CCDC187: variants seen among roughly 807,000 people sequenced by gnomAD.
CCDC187 encodes the protein coiled-coil domain containing 187.
Under a neutral mutation model 38.0 loss-of-function variants are expected in CCDC187, and 32 were observed. The observed-to-expected ratio is 0.84, with a 90% CI of 0.64 to 1.13. CCDC187 has a LOEUF of 1.13. CCDC187 is among the 50% of genes most tolerant of loss of function. CCDC187 has a pLI of 0.00. For synonymous variants in CCDC187, 333 were observed against 347.9 expected (o/e 0.96, Z 0.48); for missense variants, 707 against 786.8 (o/e 0.90, Z 1.21).
intron 23 of CCDC187, 31 bp from the exon 24 acceptor site, chr9:136,256,354 G>A: frequency 1.0e-6 from 1 of 962,822 alleles, no homozygotes; most frequent in Non-Finnish European, 1.2e-6. Flanking sequence ...TGACACTGTT[G>A]GGGTGTGGCC....
At chr9:136,265,411 C>T (rs1554761487) in intron 17 of CCDC187, among the ~76,000 whole-genome samples, 1 of 152,216 alleles carries the variant, frequency 6.6e-6, no homozygotes, top group Non-Finnish European at 1.5e-5. Context: ...ACCTGCACCA[C>T]CCTCCCAGCC....
intron 17 of CCDC187, 73 bp downstream of exon 17, chr9:136,265,883 T>C: frequency 6.5e-6 from 5 of 768,436 alleles, no homozygotes; most frequent in Non-Finnish European, 7.9e-6. Flanking sequence ...ATGTTCAGAT[T>C]CCAGGCAAGA....
chr9:136,304,264 G>A (rs1158308662), upstream of CCDC187, among the ~76,000 whole-genome samples: 8 of 152,346 alleles, frequency 5.3e-5, no homozygotes, highest in Admixed American at 5.2e-4. Context: ...GAATGGGGCC[G>A]GGCTGGGCTT....
At chr9:136,289,595 G>C (rs1831264649) in intron 7 of CCDC187, among the ~76,000 whole-genome samples, 2 of 151,978 alleles carry the variant, frequency 1.3e-5, no homozygotes. Context: ...TCCCCCACAA[G>C]GGCTGCAGGA....
At chr9:136,281,525 G>C (rs1831041777) in intron 10 of CCDC187, 26 bp downstream of exon 10, 1 of 398,588 alleles carries the variant, frequency 2.5e-6, no homozygotes, top group South Asian at 1.3e-4. Flanking sequence ...AGCCAGCCCA[G>C]GGCCTGTCCG....
At chr9:136,285,771 G>A (rs1219669907) in intron 8 of CCDC187, 165 bp from the exon 9 acceptor site, 6 of 397,234 alleles carry the variant, frequency 1.5e-5, no homozygotes, top group Non-Finnish European at 2.7e-5. Flanking sequence ...AGGGCAGGGA[G>A]GCAGCAGGGA....
chr9:136,282,725 G>A (rs1007768444), intron 9 of CCDC187, among the ~76,000 whole-genome samples: 1 of 152,246 alleles, frequency 6.6e-6, no homozygotes, highest in African/African-American at 2.4e-5. Context: ...GTGGGCAGGA[G>A]CTGTGCAGGG....
chr9:136,297,211 G>A (rs1279542556), intron 4 of CCDC187, among the ~76,000 whole-genome samples: 1 of 151,430 alleles, frequency 6.6e-6, no homozygotes, highest in Admixed American at 6.6e-5. Flanking sequence ...AGTTGCGGGT[G>A]CCATGGGCTG....
intron 4 of CCDC187, among the ~76,000 whole-genome samples, chr9:136,294,758 A>G (rs1357923561): frequency 1.3e-5 from 2 of 152,124 alleles, no homozygotes; most frequent in African/African-American, 4.8e-5. Flanking sequence ...GTCCCCAAGG[A>G]CAGGCTTCCC....
rs1564306877 is a variant in CCDC187 at position 136,259,003 on chromosome 9, T to C, written c.4297-2A>G. ...GAGGCGCCCCTCCGCCTCCTCGGCC[T>C]GGGGGGTGAGACGGGAGTGGACATG... On this transcript the variant is annotated splice_acceptor_variant, in intron 21 of 25. Coordinates refer to ENST00000638797, the MANE Select transcript of CCDC187 (RefSeq NM_001378188.1). LOFTEE classifies it high-confidence loss of function. 15 of 984,052 alleles carry C rather than the reference T, an allele frequency of 1.5e-5. No individual in the cohort carries two copies. The highest frequency in any genetic ancestry group is 1.8e-5 in the African/African-American group (1 of 56,430). The allele number at this position is 984,052 out of a possible 1,614,324, so 61.0% of individuals were successfully genotyped here. A position where few individuals can be genotyped will look rare whatever the true frequency, so the allele number is the denominator to read the frequency against.
Position 136,257,152 on chromosome 9 carries a change from A to G in CCDC187, c.4367-311T>C, listed in dbSNP as rs1443959200. 6.6e-6 allele frequency among the ~76,000 whole-genome samples: 1 copy of G among 152,164 alleles called. No individual in the cohort carries two copies. The highest frequency in any genetic ancestry group is 1.5e-5 in the Non-Finnish European group (1 of 68,000). ...CACTCTGGGAGGCCGAGGCGGGCGG[A>G]TCACAAGGTCAGGAGTTCGAGACCA... On this transcript the variant is annotated intron_variant, in intron 22 of 25. Coordinates refer to ENST00000638797, the MANE Select transcript of CCDC187 (RefSeq NM_001378188.1). The surrounding 1 kb of genome is among the most constrained non-coding windows in gnomAD (Gnocchi z 4.5).
At chr9:136,298,882 C>T (rs1344933314) in intron 3 of CCDC187, among the ~76,000 whole-genome samples, 1 of 152,230 alleles carries the variant, frequency 6.6e-6, no homozygotes, top group Non-Finnish European at 1.5e-5. Context: ...CTGCACAGTG[C>T]TATGAATGTG....
Position 136,293,093 on chromosome 9 carries a change from CACAA to C in CCDC187, c.833-802_833-799del, listed in dbSNP as rs1389957582. Reference sequence around the variant, plus strand: ...CCCTGGGCTCACATGCTCACACACTCACAAACACTCACATTGCTCACACACTCAC... The same window carrying C: ...CCCTGGGCTCACATGCTCACACACTCACACTCACATTGCTCACACACTCAC... On this transcript the variant is annotated intron_variant, in intron 4 of 25. Coordinates refer to ENST00000638797, the MANE Select transcript of CCDC187 (RefSeq NM_001378188.1). Among the ~76,000 whole-genome samples the C allele has an allele frequency of 8.5e-3, 1,297 of 151,962 alleles. 6 individuals carry two copies. Among genetic ancestry groups the C allele is most frequent in the Non-Finnish European group, 0.013 (867 of 67,944 alleles).
chr9:136,259,251 G>A (rs1300172344), intron 21 of CCDC187, 112 bp downstream of exon 21: 1 of 288,262 alleles, frequency 3.5e-6, no homozygotes, highest in Non-Finnish European at 5.1e-6. Flanking sequence ...GCAGAATGTT[G>A]GGGGGGAGGG....
intron 14 of CCDC187, among the ~76,000 whole-genome samples, chr9:136,274,169 A>G (rs984621190): frequency 6.6e-6 from 1 of 152,138 alleles, no homozygotes; most frequent in African/African-American, 2.4e-5. Context: ...CTTCCAGGAG[A>G]TGGCAGCCAC....
In CCDC187 at chr9:136,267,362, G is replaced by A. The variant is rs558783196; in HGVS notation, c.3647+22C>T. The A allele has an allele frequency of 9.5e-4, 931 of 984,304 alleles. 1 individual carries two copies. Among genetic ancestry groups the A allele is most frequent in the African/African-American group, 8.2e-3 (464 of 56,498 alleles). 61.0% of individuals were successfully genotyped at this position (984,304 alleles called of 1,614,324 possible). ...GGCGGGGCTACGGCGGGGCGGGGCCGGCGCCAGGCGCATGCGCTCACCCTC... is the reference window on the plus strand; with the variant it reads ...GGCGGGGCTACGGCGGGGCGGGGCCAGCGCCAGGCGCATGCGCTCACCCTC... On this transcript the variant is annotated intron_variant, in intron 16 of 25. Coordinates refer to ENST00000638797, the MANE Select transcript of CCDC187 (RefSeq NM_001378188.1).
chr9:136,291,027 TG>T lies in CCDC187; in HGVS notation c.1585del (p.Gln529SerfsTer7), dbSNP rs1356207499. 1.0e-5 allele frequency: 4 copies of T among 398,522 alleles called. No individual in the cohort carries two copies. Among genetic ancestry groups the T allele is most frequent in the African/African-American group, 6.2e-5 (3 of 48,594 alleles). 24.7% of individuals were successfully genotyped at this position (398,522 alleles called of 1,614,324 possible). A position where few individuals can be genotyped will look rare whatever the true frequency, so the allele number is the denominator to read the frequency against. ...SPPEKRSPFP[Q>X]QPWSAVATQP... ...TGTGGCTACAGCACTCCAGGGCTGC[TG>T]GGGGAAGGGGCTCCGCTTTTCAGGG... On this transcript the variant is annotated frameshift_variant, in exon 6 of 26. Coordinates refer to ENST00000638797, the MANE Select transcript of CCDC187 (RefSeq NM_001378188.1). LOFTEE classifies it high-confidence loss of function.
At position 136,259,018 on chromosome 9, in the gene CCDC187, G is replaced by A. The variant is rs1564306883; in HGVS notation, c.4297-17C>T. 1.0e-6 allele frequency: 1 copy of A among 986,092 alleles called. No homozygotes were observed. Among genetic ancestry groups the A allele is most frequent in the Non-Finnish European group, 1.2e-6 (1 of 830,494 alleles). The allele number at this position is 986,092 out of a possible 1,614,324, so 61.1% of individuals were successfully genotyped here. Reference sequence around the variant, plus strand: ...CTCCTCGGCCTGGGGGGTGAGACGGGAGTGGACATGGCACAGGGCCCTGAA... The same window carrying A: ...CTCCTCGGCCTGGGGGGTGAGACGGAAGTGGACATGGCACAGGGCCCTGAA... On this transcript the variant is annotated splice_polypyrimidine_tract_variant and intron_variant, in intron 21 of 25. Coordinates refer to ENST00000638797, the MANE Select transcript of CCDC187 (RefSeq NM_001378188.1).
chr9:136,266,756 A>G (rs1830753960), intron 16 of CCDC187: 1 of 152,264 alleles, frequency 6.6e-6, no homozygotes, highest in South Asian at 2.1e-4. Context: ...GCCCATTTGC[A>G]AGTTGAAATA....
Sources: allele counts gnomAD v4.1 joint callset (sites outside exome capture counted in the v4.1 genomes callset), GRCh38; gene constraint gnomAD v4.1.1; non-coding constraint Gnocchi (gnomAD v3.1); transcripts MANE v1.5; gene names NCBI Gene and HGNC (gene_info 2026-07-23, HGNC 2026-07-21).